GRM4: variants seen among roughly 807,000 people sequenced by gnomAD.
The protein encoded by GRM4 is metabotropic glutamate receptor 4.
A neutral mutation model predicts 81.7 loss-of-function variants in GRM4; 28 were observed. The observed-to-expected ratio is 0.34, with a 90% confidence interval of 0.25 to 0.47. The LOEUF (loss-of-function observed/expected upper bound fraction) is 0.47. GRM4 is among the 20% of genes least tolerant of loss of function. The pLI is 1.00. For missense variants in GRM4, 948 were observed against 1,290.0 expected (o/e 0.73, Z 4.06); for synonymous variants, 488 against 528.8 (o/e 0.92, Z 1.06).
chr6:34,060,926 C>G (rs527992788), intron 4 of GRM4: 14 of 152,442 alleles, frequency 9.2e-5, no homozygotes, highest in African/African-American at 3.4e-4. Flanking sequence ...CTTCCAGAAG[C>G]CCTCCTCCAT....
upstream of GRM4, among the ~76,000 whole-genome samples, chr6:34,146,668 G>A (rs1007674645): frequency 6.6e-6 from 1 of 152,236 alleles, no homozygotes; most frequent in African/African-American, 2.4e-5. Flanking sequence ...AGAGCTGGGG[G>A]AAGAAGGTGG....
At chr6:34,142,276 C>G (rs1319574254) in intron 1 of GRM4, among the ~76,000 whole-genome samples, 1 of 152,174 alleles carries the variant, frequency 6.6e-6, no homozygotes, top group Non-Finnish European at 1.5e-5. Context: ...GAGGCAAAGG[C>G]AGCCGCCACT....
chr6:34,110,956 GC>G, intron 2 of GRM4: 1 of 828,212 alleles, frequency 1.2e-6, no homozygotes, highest in Non-Finnish European at 1.6e-6. Context: ...GGAACGCTGT[GC>G]CCCACAGACT....
chr6:34,026,872 G>A (rs1369853583), intron 10 of GRM4, among the ~76,000 whole-genome samples: 3 of 152,234 alleles, frequency 2.0e-5, no homozygotes, highest in Non-Finnish European at 4.4e-5. Context: ...GCTCCTGCAC[G>A]CAGCAGAGAG....
At chr6:34,046,236 A>G (rs185761154) in intron 6 of GRM4, among the ~76,000 whole-genome samples, 2 of 152,338 alleles carry the variant, frequency 1.3e-5, no homozygotes, top group African/African-American at 4.8e-5. Flanking sequence ...GCATGCATAG[A>G]GTAGCAAATA....
rs532432969 is a variant in GRM4, at chr6:34,074,798, A to G, written c.737-12770T>C. ...GGGAAGCCGTGGTGTTTGGAGGCAG[A>G]TGGTGGCAGGAGGGGCCTGGATGGG... On this transcript the variant is annotated intron_variant, in intron 3 of 10. Transcript: ENST00000538487. The surrounding 1 kb of genome is among the most constrained non-coding windows in gnomAD (Gnocchi z 4.9). Among the ~76,000 whole-genome samples the G allele has an allele frequency of 1.3e-5, 2 of 152,324 alleles. No homozygotes were observed. The highest frequency in any genetic ancestry group is 3.9e-4 in the East Asian group (2 of 5,192).
chr6:34,018,975 G>A lies in GRM4; in HGVS notation c.*3846C>T, dbSNP rs1763777588. 6.6e-6 allele frequency: 1 copy of A among 152,504 alleles called. No individual in the cohort carries two copies. The highest frequency in any genetic ancestry group is 1.5e-5 in the Non-Finnish European group (1 of 68,216). 9.4% of individuals were successfully genotyped at this position (152,504 alleles called of 1,614,324 possible). ...GTGGGCAGATGGAAACCTGGGATGGGAAGGGGGAGCCGTGGAGCCAGTGAG... is the reference window on the plus strand; with the variant it reads ...GTGGGCAGATGGAAACCTGGGATGGAAAGGGGGAGCCGTGGAGCCAGTGAG... On this transcript the variant is annotated 3_prime_UTR_variant, in exon 11 of 11. Transcript: ENST00000538487.
chr6:34,143,150 G>A (rs1445439469), intron 1 of GRM4, among the ~76,000 whole-genome samples: 4 of 152,190 alleles, frequency 2.6e-5, no homozygotes, highest in Admixed American at 2.6e-4. Flanking sequence ...CCTGACAGGT[G>A]TGAAGGTATT....
chr6:34,087,790 A>T (rs1468187531), intron 3 of GRM4, among the ~76,000 whole-genome samples: 5 of 104,708 alleles, frequency 4.8e-5, no homozygotes, highest in Non-Finnish European at 1.1e-4. Context: ...CTTCCCAGAC[A>T]TGCACCCCTA....
intron 9 of GRM4, among the ~76,000 whole-genome samples, chr6:34,030,288 G>A (rs1581586144): frequency 6.6e-6 from 1 of 152,206 alleles, no homozygotes. Context: ...GTTCCCTGAG[G>A]GCAGGGCTGG....
At chr6:34,134,650 T>C (rs958481344) in intron 1 of GRM4, among the ~76,000 whole-genome samples, 1 of 151,734 alleles carries the variant, frequency 6.6e-6, no homozygotes, top group Non-Finnish European at 1.5e-5. Context: ...CAGGCCTCCA[T>C]TCAGCTTGCA....
intron 3 of GRM4, among the ~76,000 whole-genome samples, chr6:34,073,468 T>C (rs1292565948): frequency 6.7e-6 from 1 of 149,114 alleles, no homozygotes; most frequent in Non-Finnish European, 1.5e-5. Context: ...CATCCACACA[T>C]CACCATACAC....
chr6:34,103,653 G>C (rs765510475), intron 2 of GRM4: 6 of 1,534,978 alleles, frequency 3.9e-6, no homozygotes, highest in Middle Eastern at 1.7e-4. Flanking sequence ...GAGGAGCCCA[G>C]GCAGGCAGGG....
intron 2 of GRM4, among the ~76,000 whole-genome samples, chr6:34,122,473 G>A (rs925577773): frequency 2.0e-5 from 3 of 152,146 alleles, no homozygotes; most frequent in Admixed American, 1.3e-4. Flanking sequence ...CCCAGGCCTC[G>A]AGTGAGTGGC....
chr6:34,028,077 G>A (rs79264412), intron 10 of GRM4, 43 bp downstream of exon 10: 28,282 of 1,575,082 alleles, frequency 0.018, 377 homozygotes, highest in Non-Finnish European at 0.019. Context: ...CAAAAGGAGC[G>A]GGGCCTGGGG....
intron 3 of GRM4, among the ~76,000 whole-genome samples, chr6:34,075,931 C>T (rs932731523): frequency 1.3e-5 from 2 of 152,250 alleles, no homozygotes; most frequent in Admixed American, 1.3e-4. Context: ...CCAGCCTATT[C>T]ACCCCAGATA....
chr6:34,146,608 G>T (rs142047395), upstream of GRM4, among the ~76,000 whole-genome samples: 1 of 152,200 alleles, frequency 6.6e-6, no homozygotes, highest in Non-Finnish European at 1.5e-5. Context: ...AATTAGAGCC[G>T]TGATGTGTGA....
At position 34,109,466 on chromosome 6, in the gene GRM4, C is replaced by T. The variant is rs560295855; in HGVS notation, c.520-17367G>A. On this transcript the variant is annotated intron_variant, in intron 2 of 10. Transcript: ENST00000538487. ...TGGAGCAGAGCCTGCAGAGGGGCCA[C>T]CCACCCCAGTCAGCAGGCACGGCCA... 3.7e-4 allele frequency among the ~76,000 whole-genome samples: 56 copies of T among 152,256 alleles called. No homozygotes were observed. The South Asian group carries it at 0.011, about 29-fold the overall frequency.
At chr6:34,119,711 A>T (rs1769729744) in intron 2 of GRM4, among the ~76,000 whole-genome samples, 1 of 152,216 alleles carries the variant, frequency 6.6e-6, no homozygotes, top group African/African-American at 2.4e-5. Context: ...CCTAATGTCC[A>T]TCATGAGGAG....
Sources: gnomAD v4.1 joint callset for allele counts (sites outside exome capture counted in the v4.1 genomes callset) on GRCh38, gnomAD v4.1.1 for gene constraint, Gnocchi (gnomAD v3.1) non-coding constraint, MANE v1.5 for transcripts, NCBI Gene and HGNC (gene_info 2026-07-23, HGNC 2026-07-21) for gene names.